CADPS2: variants seen among roughly 807,000 people sequenced by gnomAD.
CADPS2 encodes calcium-dependent secretion activator 2.
A neutral mutation model predicts 172.5 loss-of-function variants in CADPS2; 93 were observed. The observed-to-expected ratio is 0.54, with a 90% CI of 0.46 to 0.64. The LOEUF (loss-of-function observed/expected upper bound fraction) is 0.64, where lower values mean the gene tolerates loss of function less well. Ranked by LOEUF, CADPS2 falls within the 30% of genes least tolerant of loss-of-function variation. The probability of loss-of-function intolerance (pLI) is 0.00; values close to 1 mark genes in which losing one functional copy is unlikely to be tolerated. For synonymous variants in CADPS2, 546 were observed against 555.2 expected, an observed-to-expected ratio of 0.98 and a Z score of 0.23; for missense variants, 1,420 against 1,565.9, an observed-to-expected ratio of 0.91 and a Z score of 1.57.
intron 17 of CADPS2, chr7:122,426,063 A>G (rs1235276953): frequency 6.6e-6 from 1 of 152,260 alleles, no homozygotes; most frequent in African/African-American, 2.4e-5. Flanking sequence ...GGGGACAGGG[A>G]CTCCAGAGAC....
In CADPS2 at chr7:122,519,614, C is replaced by G. The variant is rs186441597; in HGVS notation, c.1476-6299G>C. On this transcript the variant is annotated intron_variant, in intron 8 of 29. Coordinates refer to ENST00000449022, the MANE Select transcript of CADPS2 (RefSeq NM_017954.11). ...CTATTTGCTCCAAAGAAACACACAA[C>G]TGATTGCTAGGAAACAAAGCACAAA... is the stretch of plus-strand genomic sequence containing the variant. Among the ~76,000 whole-genome samples the G allele has an allele frequency of 3.9e-5, 6 of 152,060 alleles. No homozygotes were observed. In the East Asian group the frequency reaches 1.2e-3, roughly 29 times the overall value.
intron 2 of CADPS2, among the ~76,000 whole-genome samples, chr7:122,696,760 T>C (rs569158046): frequency 1.3e-5 from 2 of 152,290 alleles, no homozygotes; most frequent in Admixed American, 1.3e-4. Flanking sequence ...AGTGAAAAAC[T>C]TCAAAATTTT....
chr7:122,454,241 C>A (rs1465217283), intron 14 of CADPS2, among the ~76,000 whole-genome samples: 1 of 152,140 alleles, frequency 6.6e-6, no homozygotes, highest in East Asian at 1.9e-4. Context: ...TTTGTACTGG[C>A]TATCTTATAT....
chr7:122,433,078 G>C (rs2050169419), intron 17 of CADPS2, among the ~76,000 whole-genome samples: 1 of 152,078 alleles, frequency 6.6e-6, no homozygotes, highest in Non-Finnish European at 1.5e-5. Flanking sequence ...AGTTCACGCA[G>C]TCCTCCTGCC....
At chr7:122,600,192 T>C (rs2072531156) in intron 6 of CADPS2, among the ~76,000 whole-genome samples, 1 of 152,060 alleles carries the variant, frequency 6.6e-6, no homozygotes, top group African/African-American at 2.4e-5. Flanking sequence ...AAACAACACA[T>C]GCAGTAGCTA....
intron 5 of CADPS2, among the ~76,000 whole-genome samples, chr7:122,619,773 T>G (rs939620591): frequency 5.9e-5 from 9 of 152,202 alleles, no homozygotes; most frequent in Admixed American, 4.6e-4. Flanking sequence ...ACAGGAATAA[T>G]GAGGAAATTC....
At chr7:122,558,146 T>C (rs2065263576) in intron 7 of CADPS2, among the ~76,000 whole-genome samples, 1 of 152,216 alleles carries the variant, frequency 6.6e-6, no homozygotes, top group Non-Finnish European at 1.5e-5. Context: ...TCCTAACTAG[T>C]ATATCAACAA....
intron 1 of CADPS2, among the ~76,000 whole-genome samples, chr7:122,799,754 T>C (rs1202461485): frequency 2.0e-5 from 3 of 152,148 alleles, no homozygotes; most frequent in South Asian, 2.1e-4. Context: ...CTCATATTAG[T>C]CAAAATACAC....
rs1487830206 is a variant in CADPS2 at position 122,452,602 on chromosome 7, T to C, written c.2187-1127A>G. On this transcript the variant is annotated intron_variant, in intron 14 of 29. Coordinates refer to ENST00000449022, the MANE Select transcript of CADPS2 (RefSeq NM_017954.11). ...GTAGAGATGGGGTTTCACCATGTTG[T>C]TCAGGCTGGTCTGGAACTCCTGACC... 2.0e-5 allele frequency among the ~76,000 whole-genome samples: 3 copies of C among 152,010 alleles called. No individual in the cohort carries two copies. The East Asian group carries it at 5.8e-4, about 29-fold the overall frequency.
intron 3 of CADPS2, among the ~76,000 whole-genome samples, chr7:122,656,253 C>A (rs964276060): frequency 2.0e-5 from 3 of 152,024 alleles, no homozygotes; most frequent in African/African-American, 7.2e-5. Flanking sequence ...AAAAAAGATC[C>A]CTGTATGGCC....
chr7:122,637,737 C>T (rs753564880), intron 3 of CADPS2, among the ~76,000 whole-genome samples: 8 of 152,130 alleles, frequency 5.3e-5, no homozygotes, highest in Non-Finnish European at 1.2e-4. Context: ...AGACACTCTG[C>T]CTTTTTGAAT....
At chr7:122,727,034 A>T (rs1169370219) in intron 2 of CADPS2, among the ~76,000 whole-genome samples, 21 of 152,012 alleles carry the variant, frequency 1.4e-4, no homozygotes, top group Admixed American at 1.4e-3. Flanking sequence ...GCCACGGCTC[A>T]GAATTCCTCT....
At chr7:122,621,072 AT>A (rs112732946) in intron 5 of CADPS2, among the ~76,000 whole-genome samples, 138 of 145,544 alleles carry the variant, frequency 9.5e-4, no homozygotes, top group Non-Finnish European at 9.4e-4. Flanking sequence ...TGACTGGATA[AT>A]TTTTTTTTTT....
intron 20 of CADPS2, among the ~76,000 whole-genome samples, chr7:122,396,973 A>G (rs935424215): frequency 2.6e-5 from 4 of 152,234 alleles, no homozygotes; most frequent in African/African-American, 9.6e-5. Flanking sequence ...ATTGTATTAA[A>G]TGGCACTTAT....
Position 122,639,422 on chromosome 7 carries a change from T to C in CADPS2, c.787-10094A>G, listed in dbSNP as rs374866808. 2.0e-5 allele frequency among the ~76,000 whole-genome samples: 3 copies of C among 152,322 alleles called. 1 individual carries two copies. ...ATATGCTCTTCCCAGTTTTCCCTAATGATAGCACCTTATAAAACTATAGTA... is the reference window on the plus strand; with the variant it reads ...ATATGCTCTTCCCAGTTTTCCCTAACGATAGCACCTTATAAAACTATAGTA... On this transcript the variant is annotated intron_variant, in intron 3 of 29. Transcript: ENST00000449022.
At chr7:122,674,526 G>A (rs1031471980) in intron 2 of CADPS2, among the ~76,000 whole-genome samples, 8 of 152,122 alleles carry the variant, frequency 5.3e-5, no homozygotes, top group South Asian at 4.1e-4. Flanking sequence ...TAACAAAGTC[G>A]CGGTGAACTA....
At chr7:122,838,000 G>C (rs1415359882) in intron 1 of CADPS2, among the ~76,000 whole-genome samples, 1 of 152,080 alleles carries the variant, frequency 6.6e-6, no homozygotes, top group Non-Finnish European at 1.5e-5. Context: ...AGACGAATAT[G>C]CCTGATGAAT....
intron 8 of CADPS2, among the ~76,000 whole-genome samples, chr7:122,527,609 AGAGAGAGAGT>A (rs1209536822): frequency 2.6e-4 from 31 of 120,760 alleles, no homozygotes; most frequent in African/African-American, 9.6e-4. Flanking sequence ...AGAGAGAGAG[AGAGAGAGAGT>A]GTGTGTGTGT....
chr7:122,483,740 T>C (rs1273634521), intron 11 of CADPS2, among the ~76,000 whole-genome samples: 3 of 152,154 alleles, frequency 2.0e-5, no homozygotes, highest in African/African-American at 4.8e-5. Flanking sequence ...AAGTTTACTA[T>C]TGTAAAGTGT....
Sources: allele counts gnomAD v4.1 joint callset (sites outside exome capture counted in the v4.1 genomes callset), GRCh38; gene constraint gnomAD v4.1.1; transcripts MANE v1.5; gene names NCBI Gene and HGNC (gene_info 2026-07-23, HGNC 2026-07-21).